Variants in SOAT2 observed in about 807,000 individuals in gnomAD.
SOAT2 encodes the protein sterol O-acyltransferase 2, also known as ACAT-2.
In SOAT2, 87 loss-of-function variants were observed where a neutral mutation model predicts 76.0. The observed-to-expected ratio is 1.14, with a 90% CI of 0.96 to 1.37. The LOEUF is 1.37. Ranked by LOEUF, SOAT2 falls within the 40% of genes most tolerant of loss-of-function variation. The pLI is 0.00. For missense variants in SOAT2, 686 were observed against 682.1 expected, an observed-to-expected ratio of 1.01 and a Z score of -0.06; for synonymous variants, 285 against 275.4, an observed-to-expected ratio of 1.03 and a Z score of -0.34.
chr12:53,103,704 G>A (rs891567185), intron 1 of SOAT2, 45 bp downstream of exon 1: 1 of 1,402,554 alleles, frequency 7.1e-7, no homozygotes. Flanking sequence ...AAGTGGGGGG[G>A]AGGCGGGGAG....
intron 7 of SOAT2, 108 bp from the exon 8 acceptor site, chr12:53,118,242 C>CCCCCTCCATTTCT: frequency 2.0e-6 from 1 of 509,512 alleles, no homozygotes; most frequent in Non-Finnish European, 3.6e-6. Flanking sequence ...CCCACCCCCA[C>CCCCCTCCATTTCT]CCTATCCATT....
intron 6 of SOAT2, 102 bp from the exon 7 acceptor site, chr12:53,115,995 T>C: frequency 9.9e-7 from 1 of 1,013,146 alleles, no homozygotes; most frequent in East Asian, 2.4e-5. Context: ...AGACAGATCT[T>C]ACACTCTGCC....
At position 53,115,576 on chromosome 12, in the gene SOAT2, G is replaced by A; in HGVS notation, c.630G>A (p.Val210=). The A allele has an allele frequency of 6.3e-7, 1 of 1,584,504 alleles. No homozygotes were observed. Among genetic ancestry groups the A allele is most frequent in the Non-Finnish European group, 8.5e-7 (1 of 1,171,704 alleles). ...CGCTGCTAGCCGCCCACGCCGTGGT[G>A]CTCTGCGCGCTGCCGGTCCACGTGG... ...GCALLAAHAV[V]LCALPVHVAV... The change falls in exon 6 of 15, where the codon GTG becomes GTA. Residue 210 remains valine (V), a synonymous_variant. Coordinates refer to ENST00000301466, the MANE Select transcript of SOAT2 (RefSeq NM_003578.4).
At chr12:53,104,766 G>A (rs11170412) in intron 2 of SOAT2, among the ~76,000 whole-genome samples, 3,024 of 152,200 alleles carry the variant, frequency 0.02, 97 homozygotes, top group African/African-American at 0.069. Context: ...GGGAGGGGAA[G>A]CCTTGCTCCT....
intron 5 of SOAT2, among the ~76,000 whole-genome samples, chr12:53,106,727 T>C (rs949165837): frequency 1.3e-5 from 2 of 152,230 alleles, no homozygotes; most frequent in Non-Finnish European, 2.9e-5. Context: ...TTCCAGAGCA[T>C]ATATACCTTC....
chr12:53,121,492 A>G (rs1200459364), intron 12 of SOAT2, 91 bp downstream of exon 12: 1 of 1,066,446 alleles, frequency 9.4e-7, no homozygotes, highest in African/African-American at 1.6e-5. Context: ...TGTGGCAACT[A>G]CACCACTCAC....
At chr12:53,114,809 C>T (rs556765794) in intron 5 of SOAT2, among the ~76,000 whole-genome samples, 15 of 152,258 alleles carry the variant, frequency 9.9e-5, no homozygotes, top group African/African-American at 2.9e-4. Context: ...GGAGGTTTCA[C>T]GTAAACAAGA....
At chr12:53,113,616 AAG>A (rs1938057502) in intron 5 of SOAT2, among the ~76,000 whole-genome samples, 2 of 152,288 alleles carry the variant, frequency 1.3e-5, no homozygotes, top group Admixed American at 6.5e-5. Context: ...ACTGGGGAGG[AAG>A]AGAGTTTTTA....
intron 4 of SOAT2, 69 bp from the exon 5 acceptor site, chr12:53,105,838 A>G: frequency 2.3e-6 from 3 of 1,277,696 alleles, no homozygotes; most frequent in Non-Finnish European, 3.4e-6. Context: ...TCATGTGTAC[A>G]GTGTCTGAGC....
intron 7 of SOAT2, among the ~76,000 whole-genome samples, chr12:53,117,280 T>A (rs1938119598): frequency 6.7e-6 from 1 of 148,864 alleles, no homozygotes; most frequent in Non-Finnish European, 1.5e-5. Flanking sequence ...TTTTTTTTTT[T>A]TTTTTTTAGA....
intron 12 of SOAT2, among the ~76,000 whole-genome samples, chr12:53,122,355 T>C (rs979181578): frequency 6.6e-6 from 1 of 150,530 alleles, no homozygotes; most frequent in Non-Finnish European, 1.5e-5. Context: ...TTTTTTTTTT[T>C]ATTGATCATT....
intron 5 of SOAT2, among the ~76,000 whole-genome samples, chr12:53,115,126 T>C (rs1938081215): frequency 6.6e-6 from 1 of 152,170 alleles, no homozygotes; most frequent in South Asian, 2.1e-4. Flanking sequence ...CTAACATGTG[T>C]TGTATATAGA....
intron 10 of SOAT2, among the ~76,000 whole-genome samples, chr12:53,120,365 AG>A (rs1339055729): frequency 6.6e-6 from 1 of 152,110 alleles, no homozygotes; most frequent in African/African-American, 2.4e-5. Context: ...GCTACTCGGG[AG>A]GCTGAGGCAG....
chr12:53,121,331 A>C lies in SOAT2; in HGVS notation c.1166A>C (p.Asn389Thr). ...RDWWNSTSFSNYYRTWNVVVH... is the reference protein window; with the variant it reads ...RDWWNSTSFSTYYRTWNVVVH... ...TGGTGGAACTCAACGTCCTTCTCCA[A>C]CTACTACCGCACTTGGAACGTGGTG... Residue 389 changes from asparagine (N) to threonine (T), a missense_variant, in exon 12 of 15, where the codon AAC becomes ACC. Asn to Thr is a moderately conservative substitution (Grantham distance 65, BLOSUM62 0). Transcript: ENST00000301466. 6.2e-7 allele frequency: 1 copy of C among 1,614,100 alleles called. No individual in the cohort carries two copies. The highest frequency in any genetic ancestry group is 1.1e-5 in the South Asian group (1 of 91,078).
intron 2 of SOAT2, 45 bp downstream of exon 2, chr12:53,104,251 T>TAGCAGGA: frequency 2.1e-6 from 3 of 1,448,932 alleles, no homozygotes; most frequent in Non-Finnish European, 2.9e-6. Context: ...AGATCCTTGG[T>TAGCAGGA]AGCAGGAAGC....
In SOAT2 at chr12:53,115,475, AC is replaced by A; in HGVS notation, c.532del (p.Leu178CysfsTer27). On this transcript the variant is annotated frameshift_variant, in exon 6 of 15. Coordinates refer to ENST00000301466, the MANE Select transcript of SOAT2 (RefSeq NM_003578.4). LOFTEE classifies it high-confidence loss of function. ...LVTWVPMFLS[T>X]LLAPYQALRL... is the part of the protein sequence containing the mutation. ...GACCTGGGTGCCCATGTTTCTGTCC[AC>A]CCTGTTGGCGCCGTACCAGGCCCTA... 1 of 1,612,008 alleles carries A rather than the reference AC, an allele frequency of 6.2e-7. No individual in the cohort carries two copies. Among genetic ancestry groups the A allele is most frequent in the Non-Finnish European group, 8.5e-7 (1 of 1,179,822 alleles).
chr12:53,121,387 C>A lies in SOAT2; in HGVS notation c.1222C>A (p.Gln408Lys), dbSNP rs762059505. ...TGACTGGCTGTACAGCTACGTGTAT[C>A]AGGATGGGCTGCGGGTATGGGCCCT... Reference protein sequence around the residue: ...VHDWLYSYVYQDGLRLLGARA... With the variant: ...VHDWLYSYVYKDGLRLLGARA... Residue 408 changes from glutamine to lysine, a missense_variant, in exon 12 of 15, where the codon CAG (glutamine) becomes AAG (lysine). Coordinates refer to ENST00000301466, the MANE Select transcript of SOAT2 (RefSeq NM_003578.4). 3.1e-6 allele frequency: 5 copies of A among 1,613,920 alleles called. No individual in the cohort carries two copies. The East Asian group carries it at 8.9e-5, about 29-fold the overall frequency.
At chr12:53,122,861 C>T (rs1482653749) in intron 12 of SOAT2, among the ~76,000 whole-genome samples, 12 of 152,082 alleles carry the variant, frequency 7.9e-5, no homozygotes, top group Non-Finnish European at 1.3e-4. Flanking sequence ...ACCTCCCAGA[C>T]GGGGTGGTGG....
rs151090838 is a variant in SOAT2, at chr12:53,105,437, C to G, written c.276-124C>G. On this transcript the variant is annotated intron_variant, in intron 3 of 14. Transcript: ENST00000301466. ...GGCCCTGACCTTCTACCCGGTCCTGCCCTCTGGCCCTAGCCCTGACCTTTC... is the reference window on the plus strand; with the variant it reads ...GGCCCTGACCTTCTACCCGGTCCTGGCCTCTGGCCCTAGCCCTGACCTTTC... 1.9e-4 allele frequency: 224 copies of G among 1,208,900 alleles called. No homozygotes were observed. In the African/African-American group the frequency reaches 3.1e-3, roughly 17 times the overall value. The allele number at this position is 1,208,900 out of a possible 1,614,324, so 74.9% of individuals were successfully genotyped here.
Sources: allele counts gnomAD v4.1 joint callset (sites outside exome capture counted in the v4.1 genomes callset), GRCh38; gene constraint gnomAD v4.1.1; transcripts MANE v1.5; gene names NCBI Gene and HGNC (gene_info 2026-07-23, HGNC 2026-07-21).